The following MCTP1 variants were observed in gnomAD, a reference collection of about 807,000 sequenced individuals.
The protein encoded by MCTP1 is multiple C2 and transmembrane domain-containing protein 1.
A neutral mutation model predicts 120.6 loss-of-function variants in MCTP1; 69 were observed. The ratio of observed to expected loss-of-function variants is 0.57; its 90% CI spans 0.47 to 0.70. MCTP1 has a LOEUF of 0.70. MCTP1 is among the 30% of genes least tolerant of loss of function. MCTP1 has a pLI of 0.00. For synonymous variants in MCTP1, 529 were observed against 493.1 expected (o/e 1.07, Z -0.96); for missense variants, 1,203 against 1,248.8 (o/e 0.96, Z 0.55).
At chr5:94,924,613 T>C (rs1812545849) in intron 6 of MCTP1, among the ~76,000 whole-genome samples, 1 of 152,198 alleles carries the variant, frequency 6.6e-6, no homozygotes, top group South Asian at 2.1e-4. Context: ...TGGATTCAAG[T>C]AGAATAGTTT....
At chr5:95,212,129 T>G (rs922599676) in intron 1 of MCTP1, among the ~76,000 whole-genome samples, 7 of 151,544 alleles carry the variant, frequency 4.6e-5, no homozygotes, top group Non-Finnish European at 1.0e-4. Context: ...GCAAGACTAA[T>G]AAAGAATAAA....
At chr5:95,150,843 A>T (rs559912516) in intron 1 of MCTP1, among the ~76,000 whole-genome samples, 10 of 152,126 alleles carry the variant, frequency 6.6e-5, no homozygotes, top group Non-Finnish European at 1.5e-4. Context: ...ATAACTTTTG[A>T]CTCCTCAAAA....
At chr5:94,788,368 T>C (rs797017904) in intron 18 of MCTP1, among the ~76,000 whole-genome samples, 14 of 152,312 alleles carry the variant, frequency 9.2e-5, no homozygotes, top group African/African-American at 3.1e-4. Context: ...CATACAACGC[T>C]TTAAAAAATG....
chr5:95,169,918 ATTTCTTGCACAACT>A (rs1281688450), intron 1 of MCTP1, among the ~76,000 whole-genome samples: 1 of 151,684 alleles, frequency 6.6e-6, no homozygotes, highest in African/African-American at 2.4e-5. Context: ...GATCTTAGTT[ATTTCTTGCACAACT>A]TTTCTTGCAC....
At chr5:95,030,301 G>A (rs1250534765) in intron 1 of MCTP1, among the ~76,000 whole-genome samples, 4 of 152,152 alleles carry the variant, frequency 2.6e-5, no homozygotes, top group Non-Finnish European at 5.9e-5. Flanking sequence ...CCTTCAGGGT[G>A]GGTGTTTCCA....
intron 12 of MCTP1, among the ~76,000 whole-genome samples, chr5:94,886,442 T>A (rs1005603959): frequency 1.3e-5 from 2 of 152,216 alleles, no homozygotes; most frequent in African/African-American, 2.4e-5. Flanking sequence ...GGAGTTTAAC[T>A]TTATGTTCAG....
At chr5:94,955,058 G>A (rs1822201617) in intron 2 of MCTP1, among the ~76,000 whole-genome samples, 1 of 152,198 alleles carries the variant, frequency 6.6e-6, no homozygotes, top group African/African-American at 2.4e-5. Context: ...TTCCAACTGA[G>A]GTACCTGGTA....
At chr5:94,865,993 A>C (rs1796724768) in intron 17 of MCTP1, among the ~76,000 whole-genome samples, 1 of 151,946 alleles carries the variant, frequency 6.6e-6, no homozygotes, top group African/African-American at 2.4e-5. Context: ...ATTAGAACTT[A>C]ATCAGAGGTT....
intron 19 of MCTP1, among the ~76,000 whole-genome samples, chr5:94,735,872 G>C (rs2152725398): frequency 6.6e-6 from 1 of 152,202 alleles, no homozygotes; most frequent in African/African-American, 2.4e-5. Context: ...TTATTCCTTT[G>C]GATGGGTTAT....
At chr5:95,024,648 T>C (rs201764211) in intron 1 of MCTP1, among the ~76,000 whole-genome samples, 1 of 146,266 alleles carries the variant, frequency 6.8e-6, no homozygotes, top group African/African-American at 2.5e-5. Context: ...GGCATTCAAA[T>C]ACACACACAC....
chr5:94,982,137 A>T (rs1829540301), intron 2 of MCTP1, among the ~76,000 whole-genome samples: 1 of 152,204 alleles, frequency 6.6e-6, no homozygotes, highest in Non-Finnish European at 1.5e-5. Flanking sequence ...TGACAAATTT[A>T]ACCTAAAGGT....
intron 1 of MCTP1, among the ~76,000 whole-genome samples, chr5:95,103,329 T>G (rs1756875840): frequency 6.6e-6 from 1 of 152,006 alleles, no homozygotes. Context: ...ATATTTTTTT[T>G]AAAGTGGAGA....
intron 1 of MCTP1, among the ~76,000 whole-genome samples, chr5:95,195,987 T>A (rs1257039138): frequency 6.6e-6 from 1 of 152,186 alleles, no homozygotes; most frequent in Non-Finnish European, 1.5e-5. Flanking sequence ...TTTCTTTATA[T>A]GTGGTCCCCC....
At chr5:95,239,765 T>C (rs1755954224) in intron 1 of MCTP1, among the ~76,000 whole-genome samples, 1 of 152,188 alleles carries the variant, frequency 6.6e-6, no homozygotes, top group African/African-American at 2.4e-5. Flanking sequence ...GTCACTTGCT[T>C]TTGATAGTTG....
At position 94,838,124 on chromosome 5, in the gene MCTP1, A is replaced by G. The variant is rs572991706; in HGVS notation, c.2436+30209T>C. Among the ~76,000 whole-genome samples, 20 of 152,348 alleles carry G rather than the reference A, an allele frequency of 1.3e-4. No individual in the cohort carries two copies. In the East Asian group the frequency reaches 3.3e-3, roughly 25 times the overall value. ...TAAATCAACCTAAAATTATACATTT[A>G]TCTAGAGTTACATTTAGGCCATATG... is the stretch of plus-strand genomic sequence containing the variant. On this transcript the variant is annotated intron_variant, in intron 17 of 22. Transcript: ENST00000515393.
chr5:94,918,028 C>T lies in MCTP1; in HGVS notation c.1273-55G>A, dbSNP rs114437812. Reference sequence around the variant, plus strand: ...CGGGGAAGCTTTGTACCATTCTCAACCCCTCATTTTGATCAGCAGTTTGAA... The same window carrying T: ...CGGGGAAGCTTTGTACCATTCTCAATCCCTCATTTTGATCAGCAGTTTGAA... On this transcript the variant is annotated intron_variant, in intron 7 of 22. Coordinates refer to ENST00000515393, the MANE Select transcript of MCTP1 (RefSeq NM_024717.7). 4.1e-3 allele frequency: 5,493 copies of T among 1,337,608 alleles called. 164 individuals carry two copies. In the African/African-American group the frequency reaches 0.065, roughly 16 times the overall value. 82.9% of individuals were successfully genotyped at this position (1,337,608 alleles called of 1,614,324 possible).
At chr5:95,090,988 G>T (rs1377685567) in intron 1 of MCTP1, among the ~76,000 whole-genome samples, 1 of 152,182 alleles carries the variant, frequency 6.6e-6, no homozygotes, top group Non-Finnish European at 1.5e-5. Flanking sequence ...TACAAATGTA[G>T]CCCCTGCCCA....
At chr5:95,203,204 C>T (rs1341172793) in intron 1 of MCTP1, among the ~76,000 whole-genome samples, 2 of 152,160 alleles carry the variant, frequency 1.3e-5, no homozygotes, top group Non-Finnish European at 1.5e-5. Flanking sequence ...ATGTCATACA[C>T]GTAGGTAAAT....
intron 1 of MCTP1, among the ~76,000 whole-genome samples, chr5:95,099,389 T>G (rs1490775077): frequency 6.6e-6 from 1 of 150,930 alleles, no homozygotes; most frequent in African/African-American, 2.4e-5. Context: ...AAAGGGCTAA[T>G]AGCCAGAATC....
Sources: allele counts gnomAD v4.1 joint callset (sites outside exome capture counted in the v4.1 genomes callset), GRCh38; gene constraint gnomAD v4.1.1; transcripts MANE v1.5; gene names NCBI Gene and HGNC (gene_info 2026-07-23, HGNC 2026-07-21).